PCDHAC2: variants seen among roughly 807,000 people sequenced by gnomAD.
PCDHAC2 encodes protocadherin alpha subfamily C, 2, also known as protocadherin alpha-C2.
In PCDHAC2, 24 loss-of-function variants were observed where a neutral mutation model predicts 63.3. The observed-to-expected ratio is 0.38, with a 90% CI of 0.27 to 0.53. PCDHAC2 has a LOEUF of 0.53. PCDHAC2 is among the 20% of genes least tolerant of loss of function. PCDHAC2 has a pLI of 0.81. For missense variants in PCDHAC2, 1,181 were observed against 1,275.2 expected, an observed-to-expected ratio of 0.93 and a Z score of 1.12; for synonymous variants, 569 against 529.4, an observed-to-expected ratio of 1.07 and a Z score of -1.03.
At chr5:141,007,395 CAAAAA>C (rs35800918) in intron 3 of PCDHAC2, among the ~76,000 whole-genome samples, 1 of 94,866 alleles carries the variant, frequency 1.1e-5, no homozygotes, top group Non-Finnish European at 2.1e-5. Flanking sequence ...TACTAAAATA[CAAAAA>C]AAAAAAAAAA....
intron 3 of PCDHAC2, chr5:140,989,000 GAGACTTATTAT>G (rs2097324899): frequency 6.6e-6 from 1 of 152,202 alleles, no homozygotes; most frequent in Non-Finnish European, 1.5e-5. Flanking sequence ...TAAGGAAATA[GAGACTTATTAT>G]AGTTTCTTCA....
intron 3 of PCDHAC2, among the ~76,000 whole-genome samples, chr5:141,002,222 G>A (rs1278350490): frequency 2.0e-5 from 3 of 152,212 alleles, no homozygotes; most frequent in Non-Finnish European, 4.4e-5. Context: ...AAAATGATGG[G>A]TTTTCTGGAA....
intron 3 of PCDHAC2, among the ~76,000 whole-genome samples, chr5:140,988,416 A>G (rs1462025901): frequency 6.6e-6 from 1 of 152,118 alleles, no homozygotes; most frequent in Non-Finnish European, 1.5e-5. Flanking sequence ...AGCTTATGTA[A>G]AGAATTTGTT....
chr5:140,993,460 TCTCACACACACA>T (rs2097560533), intron 3 of PCDHAC2, among the ~76,000 whole-genome samples: 2 of 104,506 alleles, frequency 1.9e-5, no homozygotes, highest in South Asian at 3.7e-4. Context: ...CTTCTTTCTT[TCTCACACACACA>T]CACACACACA....
chr5:140,988,751 T>C (rs1433769306), intron 3 of PCDHAC2, among the ~76,000 whole-genome samples: 2 of 152,198 alleles, frequency 1.3e-5, no homozygotes, highest in Non-Finnish European at 2.9e-5. Flanking sequence ...ATTGGTGGCC[T>C]GGGCAGAATA....
rs782123539 is a variant in PCDHAC2, at chr5:140,967,049, A to G, written c.283A>G (p.Thr95Ala). Residue 95 changes from threonine to alanine, a missense_variant, in exon 1 of 4, where the codon ACG (threonine) becomes GCG (alanine). This residue lies in a region of PCDHAC2 where 210 missense variants were observed against 184.9 expected (regional missense o/e 1.14). Transcript: ENST00000289269. ...PSPRYLELDL[T>A]SGALFVNERI... ...TCCGCGCTACCTGGAGCTGGACCTG[A>G]CGAGTGGAGCGCTCTTCGTCAACGA... 12 of 1,612,528 alleles carry G rather than the reference A, an allele frequency of 7.4e-6. No individual in the cohort carries two copies. The highest frequency in any genetic ancestry group is 9.3e-6 in the Non-Finnish European group (11 of 1,179,630).
At position 140,969,519 on chromosome 5, in the gene PCDHAC2, G is replaced by A. The variant is rs1586385280; in HGVS notation, c.2565+188G>A. On this transcript the variant is annotated intron_variant, in intron 1 of 3. Transcript: ENST00000289269. ...TCTAGAAAAATAGCACTAAAGAATTGTTTTATTTTTCATTTTCAGAGGCAT... is the reference window on the plus strand; with the variant it reads ...TCTAGAAAAATAGCACTAAAGAATTATTTTATTTTTCATTTTCAGAGGCAT... The A allele has an allele frequency of 3.6e-6, 5 of 1,406,074 alleles. No individual in the cohort carries two copies. The East Asian group carries it at 1.3e-4, about 35-fold the overall frequency. 87.1% of individuals were successfully genotyped at this position (1,406,074 alleles called of 1,614,324 possible). A position where few individuals can be genotyped will look rare whatever the true frequency, so the allele number is the denominator to read the frequency against.
intron 3 of PCDHAC2, chr5:140,989,054 A>G (rs1481333744): frequency 6.6e-6 from 1 of 152,214 alleles, no homozygotes; most frequent in African/African-American, 2.4e-5. Flanking sequence ...TGCCAGCTAC[A>G]TTGAGGCAAT....
At position 140,969,123 on chromosome 5, in the gene PCDHAC2, C is replaced by G; in HGVS notation, c.2357C>G (p.Ser786Cys). The part of the protein sequence containing the change: ...PHFIEVRGNG[S>C]LTKTYCYKAC... ...TTCATTGAAGTTCGAGGGAATGGCT[C>G]CCTCACCAAGACCTACTGCTACAAG... The change falls in exon 1 of 4, where the codon TCC becomes TGC. Residue 786 changes from serine to cysteine, a missense_variant. Coordinates refer to ENST00000289269, the MANE Select transcript of PCDHAC2 (RefSeq NM_018899.6). The G allele has an allele frequency of 6.2e-7, 1 of 1,614,172 alleles. No individual in the cohort carries two copies. Among genetic ancestry groups the G allele is most frequent in the Non-Finnish European group, 8.5e-7 (1 of 1,180,034 alleles).
chr5:140,977,925 A>T (rs782072280), intron 1 of PCDHAC2, among the ~76,000 whole-genome samples: 4 of 152,152 alleles, frequency 2.6e-5, no homozygotes, highest in African/African-American at 7.2e-5. Context: ...TTTTCATTCA[A>T]CTATACCTCA....
intron 3 of PCDHAC2, among the ~76,000 whole-genome samples, chr5:140,999,452 G>A (rs141442204): frequency 6.4e-4 from 97 of 152,234 alleles, no homozygotes; most frequent in African/African-American, 2.1e-3. Flanking sequence ...TTCGTTCAAC[G>A]AATAAGTGGT....
intron 3 of PCDHAC2, among the ~76,000 whole-genome samples, chr5:140,998,569 G>GT (rs71574497): frequency 0.37 from 55,088 of 149,258 alleles, 10,597 homozygotes; most frequent in African/African-American, 0.48. Flanking sequence ...TTGTAAATAA[G>GT]TTTTTTTTTT....
At chr5:140,979,179 G>T in intron 2 of PCDHAC2, 172 bp downstream of exon 2, 1 of 936,772 alleles carries the variant, frequency 1.1e-6, no homozygotes, top group Middle Eastern at 5.5e-4. Flanking sequence ...ATCGCAAATG[G>T]TCAGTGCCAG....
chr5:140,981,917 A>G (rs1465971302), intron 2 of PCDHAC2, among the ~76,000 whole-genome samples: 1 of 152,218 alleles, frequency 6.6e-6, no homozygotes, highest in Non-Finnish European at 1.5e-5. Flanking sequence ...GTGGTGATCA[A>G]GTTTCTCTAG....
At chr5:140,989,644 T>C (rs1284720942) in intron 3 of PCDHAC2, among the ~76,000 whole-genome samples, 3 of 152,232 alleles carry the variant, frequency 2.0e-5, no homozygotes, top group Non-Finnish European at 4.4e-5. Flanking sequence ...GGGTCTTTCA[T>C]GGCAATATTT....
At chr5:140,987,275 CTA>C (rs1554249023) in intron 3 of PCDHAC2, among the ~76,000 whole-genome samples, 1 of 151,726 alleles carries the variant, frequency 6.6e-6, no homozygotes, top group Non-Finnish European at 1.5e-5. Context: ...ACCCGGCAGT[CTA>C]TGTTTTAACA....
At chr5:140,989,839 AGT>A (rs1161936815) in intron 3 of PCDHAC2, among the ~76,000 whole-genome samples, 2 of 152,166 alleles carry the variant, frequency 1.3e-5, no homozygotes, top group Non-Finnish European at 2.9e-5. Context: ...CCTGTCAATG[AGT>A]GTGTGGACTG....
chr5:140,981,845 T>C (rs184071298), intron 2 of PCDHAC2, among the ~76,000 whole-genome samples: 129 of 152,310 alleles, frequency 8.5e-4, no homozygotes, highest in Middle Eastern at 3.4e-3. Flanking sequence ...TCCCAGTTTG[T>C]ATCTCACTCC....
intron 3 of PCDHAC2, among the ~76,000 whole-genome samples, chr5:140,993,956 C>T (rs2097588909): frequency 6.6e-6 from 1 of 152,140 alleles, no homozygotes; most frequent in Admixed American, 6.5e-5. Flanking sequence ...TGATACATGA[C>T]TGTAGTCATC....
Sources: allele counts gnomAD v4.1 joint callset (sites outside exome capture counted in the v4.1 genomes callset), GRCh38; gene constraint gnomAD v4.1.1; regional missense constraint gnomAD v4.1.1; transcripts MANE v1.5; gene names NCBI Gene and HGNC (gene_info 2026-07-23, HGNC 2026-07-21).